ABI1: variants seen among roughly 807,000 people sequenced by gnomAD.
The protein encoded by ABI1 is abl interactor 1, also known as Abelson interactor 1.
In ABI1, 14 loss-of-function variants were observed where a neutral mutation model predicts 54.6. That is an observed-to-expected ratio of 0.26 (90% CI 0.17 to 0.40). The LOEUF (loss-of-function observed/expected upper bound fraction) is 0.40. Ranked by LOEUF, ABI1 falls within the 10% of genes least tolerant of loss-of-function variation. The probability of loss-of-function intolerance (pLI) is 1.00; values close to 1 mark genes in which losing one functional copy is unlikely to be tolerated. For synonymous variants in ABI1, 194 were observed against 209.3 expected, an observed-to-expected ratio of 0.93 and a Z score of 0.63; for missense variants, 443 against 598.3, an observed-to-expected ratio of 0.74 and a Z score of 2.71.
rs1011174984 is a variant in ABI1 at position 26,838,294 on chromosome 10, T to A, written c.118-14989A>T. Among the ~76,000 whole-genome samples the A allele has an allele frequency of 4.6e-5, 7 of 152,150 alleles. No individual in the cohort carries two copies. In the South Asian group the frequency reaches 1.4e-3, roughly 31 times the overall value. On this transcript the variant is annotated intron_variant, in intron 1 of 10. Coordinates refer to ENST00000376140, the MANE Select transcript of ABI1 (RefSeq NM_001012750.3). ...ACCTCAGCCTCCCGAAGTGCTGGGA[T>A]TACAGGCATGAGCCACCGCACCCGG...
Position 26,809,048 on chromosome 10 carries a change from T to A in ABI1, c.285+14090A>T, listed in dbSNP as rs1472326631. 3.3e-5 allele frequency among the ~76,000 whole-genome samples: 5 copies of A among 151,904 alleles called. No individual in the cohort carries two copies. In the South Asian group the frequency reaches 6.2e-4, roughly 19 times the overall value. On this transcript the variant is annotated intron_variant, in intron 2 of 10. Coordinates refer to ENST00000376140, the MANE Select transcript of ABI1 (RefSeq NM_001012750.3). ...ACTTTGGGAGGCCGAGGCAGGCGGA[T>A]CACCTGAGGTCAGGAGTTTGAGACC...
At chr10:26,837,868 G>C (rs998794482) in intron 1 of ABI1, among the ~76,000 whole-genome samples, 18 of 150,916 alleles carry the variant, frequency 1.2e-4, no homozygotes, top group African/African-American at 3.9e-4. Context: ...ACCTGCCTTG[G>C]CCTCCCAAAG....
Position 26,860,094 on chromosome 10 carries a change from C to CA in ABI1, c.117+652_117+653insT, listed in dbSNP as rs1185931158. On this transcript the variant is annotated intron_variant, in intron 1 of 10. Coordinates refer to ENST00000376140, the MANE Select transcript of ABI1 (RefSeq NM_001012750.3). This position sits in a 1 kb window ranked among gnomAD's most constrained non-coding sequence, Gnocchi z 4.1. ...AGATGAACTTCTCTCAAACGCCCTCCCTCACTCCCCACACCCGCTTCCTCC... is the reference window on the plus strand; with the variant it reads ...AGATGAACTTCTCTCAAACGCCCTCCACTCACTCCCCACACCCGCTTCCTCC... 7.2e-5 allele frequency among the ~76,000 whole-genome samples: 11 copies of CA among 152,274 alleles called. No individual in the cohort carries two copies. The highest frequency in any genetic ancestry group is 6.8e-3 in the Middle Eastern group (2 of 294).
intron 9 of ABI1, among the ~76,000 whole-genome samples, chr10:26,754,295 A>G (rs1837998922): frequency 1.3e-5 from 2 of 152,210 alleles, no homozygotes; most frequent in South Asian, 4.1e-4. Context: ...AACTACAGGC[A>G]CATGCCACTA....
In ABI1 at chr10:26,765,671, A is replaced by AGAGT. The variant is rs1322134330; in HGVS notation, c.720-354_720-353insACTC. The stretch of plus-strand genomic sequence containing the variant: ...AGGAAGGGAAAGGAGAGAGGGAGGG[A>AGAGT]GGGAGGGAGAGTGGGAGGGAGAGTG... On this transcript the variant is annotated intron_variant, in intron 6 of 10. Transcript: ENST00000376140. Among the ~76,000 whole-genome samples, 27 of 22,692 alleles carry AGAGT rather than the reference A, an allele frequency of 1.2e-3. No homozygotes were observed. The Admixed American group carries it at 0.012, about 10-fold the overall frequency. 14.9% of individuals were successfully genotyped at this position (22,692 alleles called of 152,430 possible). A position where few individuals can be genotyped will look rare whatever the true frequency, so the allele number is the denominator to read the frequency against.
At chr10:26,791,417 C>T (rs996628325) in intron 2 of ABI1, among the ~76,000 whole-genome samples, 8 of 152,108 alleles carry the variant, frequency 5.3e-5, no homozygotes, top group African/African-American at 1.7e-4. Flanking sequence ...CACATACACC[C>T]GATTGTCCCC....
intron 1 of ABI1, among the ~76,000 whole-genome samples, chr10:26,830,122 G>T (rs75672933): frequency 0.015 from 2,350 of 152,156 alleles, 52 homozygotes; most frequent in African/African-American, 0.054. Context: ...CCTTGTTACC[G>T]CTAAGTAGTG....
chr10:26,758,707 A>T (rs888067324), intron 8 of ABI1, among the ~76,000 whole-genome samples: 1 of 152,212 alleles, frequency 6.6e-6, no homozygotes, highest in Non-Finnish European at 1.5e-5. Flanking sequence ...TTTTACCATT[A>T]CTACGCTGTC....
At chr10:26,814,499 T>C (rs779094141) in intron 2 of ABI1, among the ~76,000 whole-genome samples, 5 of 152,242 alleles carry the variant, frequency 3.3e-5, no homozygotes, top group Non-Finnish European at 7.3e-5. Flanking sequence ...GTGAAAAAGT[T>C]GGTGATGTGA....
intron 1 of ABI1, among the ~76,000 whole-genome samples, chr10:26,840,147 G>A (rs1004356778): frequency 2.0e-5 from 3 of 152,118 alleles, no homozygotes; most frequent in African/African-American, 7.2e-5. Flanking sequence ...AATGCTGGAG[G>A]TGGATCCTAA....
rs1837210193 is a variant in ABI1, at chr10:26,748,671, T to A, written c.1345A>T (p.Ile449Leu). The change falls in exon 11 of 11, where the codon ATA becomes TTA. Residue 449 changes from isoleucine (I) to leucine (L), a missense_variant. By Grantham distance (5) the Ile-to-Leu change is conservative. Coordinates refer to ENST00000376140, the MANE Select transcript of ABI1 (RefSeq NM_001012750.3). ...SFMEGAIIYV[I>L]KKNDDGWYEG... is the part of the protein sequence containing the mutation. The stretch of plus-strand genomic sequence containing the variant: ...TACCAGCCATCATCATTCTTCTTTA[T>A]AACATAAATGATTGCACCCTCCATA... 2 of 1,613,472 alleles carry A rather than the reference T, an allele frequency of 1.2e-6. No individual in the cohort carries two copies. The highest frequency in any genetic ancestry group is 1.7e-6 in the Non-Finnish European group (2 of 1,179,618).
chr10:26,834,261 C>T (rs2048878799), intron 1 of ABI1, among the ~76,000 whole-genome samples: 1 of 151,914 alleles, frequency 6.6e-6, no homozygotes. Context: ...AATTAATATA[C>T]TGGAATATCA....
intron 9 of ABI1, 51 bp from the exon 10 acceptor site, chr10:26,751,834 A>G: frequency 1.3e-6 from 2 of 1,481,896 alleles, no homozygotes; most frequent in Non-Finnish European, 1.8e-6. Context: ...CTAGATGGAA[A>G]CTTATAAGTT....
intron 8 of ABI1, among the ~76,000 whole-genome samples, chr10:26,758,842 T>G (rs578039159): frequency 6.6e-5 from 10 of 152,316 alleles, no homozygotes; most frequent in African/African-American, 2.4e-4. Context: ...CTCGATAAAT[T>G]TAGTTAAGTA....
rs147957853 is a variant in ABI1 at position 26,843,453 on chromosome 10, C to CAAAAAAAAAAAA, written c.117+17282_117+17293dup. Among the ~76,000 whole-genome samples the CAAAAAAAAAAAA allele has an allele frequency of 1.3e-4, 7 of 53,082 alleles. 2 individuals are homozygous for CAAAAAAAAAAAA. The highest frequency in any genetic ancestry group is 2.8e-4 in the Non-Finnish European group (7 of 24,860). 34.8% of individuals were successfully genotyped at this position (53,082 alleles called of 152,430 possible). The stretch of plus-strand genomic sequence containing the variant: ...TTTATGACATAGCAAGACTCCGTCT[C>CAAAAAAAAAAAA]AAAAAAAAAAAAAAAAAAAAAAAAA... On this transcript the variant is annotated intron_variant, in intron 1 of 10. Transcript: ENST00000376140.
chr10:26,852,981 T>C (rs567625985), intron 1 of ABI1, among the ~76,000 whole-genome samples: 1 of 152,282 alleles, frequency 6.6e-6, no homozygotes, highest in South Asian at 2.1e-4. Flanking sequence ...CTACCAACTA[T>C]GTCTGAGAAA....
At chr10:26,797,933 T>G (rs1274347655) in intron 2 of ABI1, among the ~76,000 whole-genome samples, 1 of 152,300 alleles carries the variant, frequency 6.6e-6, no homozygotes, top group East Asian at 1.9e-4. Context: ...ATATAAGCAA[T>G]GCCAACTAGA....
chr10:26,812,054 G>T (rs2047275442), intron 2 of ABI1, among the ~76,000 whole-genome samples: 1 of 152,048 alleles, frequency 6.6e-6, no homozygotes, highest in African/African-American at 2.4e-5. Flanking sequence ...CTCTGCTCCT[G>T]TTTCCACACC....
rs1223316475 is a variant in ABI1 at position 26,746,915 on chromosome 10, TATAAA to T, written c.*1650_*1654del. On this transcript the variant is annotated 3_prime_UTR_variant, in exon 11 of 11. Transcript: ENST00000376140. ...AATTTCATATAGGAGAATGGTTTAT[TATAAA>T]AGACTGTACATAAAATTTAGACAAC... is the stretch of plus-strand genomic sequence containing the variant. The T allele has an allele frequency of 3.7e-6, 1 of 273,052 alleles. No individual in the cohort carries two copies. Among genetic ancestry groups the T allele is most frequent in the East Asian group, 5.8e-5 (1 of 17,180 alleles). The allele number at this position is 273,052 out of a possible 1,614,324, so 16.9% of individuals were successfully genotyped here.
Sources: allele counts gnomAD v4.1 joint callset (sites outside exome capture counted in the v4.1 genomes callset), GRCh38; gene constraint gnomAD v4.1.1; non-coding constraint Gnocchi (gnomAD v3.1); transcripts MANE v1.5; gene names NCBI Gene and HGNC (gene_info 2026-07-23, HGNC 2026-07-21).